Variants in FHIT observed in about 807,000 individuals in gnomAD.
FHIT encodes fragile histidine triad diadenosine triphosphatase.
Under a neutral mutation model 17.9 loss-of-function variants are expected in FHIT, and 19 were observed. The ratio of observed to expected loss-of-function variants is 1.06; its 90% CI spans 0.74 to 1.56. The LOEUF is 1.56. FHIT is among the 40% of genes most tolerant of loss of function. The pLI is 0.00. For missense variants in FHIT, 248 were observed against 189.2 expected (o/e 1.31, Z -1.82); for synonymous variants, 81 against 69.7 (o/e 1.16, Z -0.81).
intron 4 of FHIT, among the ~76,000 whole-genome samples, chr3:60,632,568 C>G (rs2039473888): frequency 6.6e-6 from 1 of 152,144 alleles, no homozygotes; most frequent in Non-Finnish European, 1.5e-5. Flanking sequence ...TCCTGATTTC[C>G]AGGTCTGGCT....
chr3:60,955,723 C>T (rs1053614821), intron 3 of FHIT, among the ~76,000 whole-genome samples: 1 of 151,070 alleles, frequency 6.6e-6, no homozygotes, highest in African/African-American at 2.4e-5. Context: ...TCATCCAGTA[C>T]ATCCATTCAT....
chr3:60,815,373 C>T lies in FHIT; in HGVS notation c.-18+6546G>A, dbSNP rs115746651. ...CTCTAGGATTCTCATACTTTGAGTT[C>T]TTACATTTAAATCTTTACTCCATAT... On this transcript the variant is annotated intron_variant, in intron 4 of 9. Coordinates refer to ENST00000492590, the MANE Select transcript of FHIT (RefSeq NM_002012.4). Among the ~76,000 whole-genome samples the T allele has an allele frequency of 8.0e-3, 1,221 of 152,168 alleles. 24 individuals are homozygous for T. The highest frequency in any genetic ancestry group is 0.028 in the African/African-American group (1,151 of 41,542).
intron 4 of FHIT, among the ~76,000 whole-genome samples, chr3:60,676,994 C>A (rs2040635444): frequency 6.6e-6 from 1 of 152,114 alleles, no homozygotes. Flanking sequence ...CTCACCTGAG[C>A]CTCCATAGTA....
intron 3 of FHIT, among the ~76,000 whole-genome samples, chr3:60,910,908 G>A (rs1218094596): frequency 3.3e-5 from 5 of 152,172 alleles, no homozygotes; most frequent in Admixed American, 6.5e-5. Flanking sequence ...AATTATGTGA[G>A]CCAATATTCA....
At chr3:60,681,575 A>T (rs958721966) in intron 4 of FHIT, among the ~76,000 whole-genome samples, 6 of 152,224 alleles carry the variant, frequency 3.9e-5, no homozygotes, top group African/African-American at 1.4e-4. Flanking sequence ...TGCACCAAAT[A>T]GCCAAGTTGT....
chr3:60,817,504 T>C (rs2594152), intron 4 of FHIT, among the ~76,000 whole-genome samples: 119,495 of 151,752 alleles, frequency 0.79, 48,331 homozygotes, highest in East Asian at 0.94. Context: ...CATAGAATTC[T>C]GGATTAACAG....
At chr3:60,627,590 C>G (rs1477896864) in intron 4 of FHIT, among the ~76,000 whole-genome samples, 1 of 152,152 alleles carries the variant, frequency 6.6e-6, no homozygotes, top group East Asian at 1.9e-4. Context: ...GTGGCGGGAT[C>G]TAGGCTCACT....
chr3:60,095,025 G>A (rs1397825838), intron 5 of FHIT, among the ~76,000 whole-genome samples: 2 of 152,110 alleles, frequency 1.3e-5, no homozygotes, highest in Non-Finnish European at 2.9e-5. Context: ...ATAATTAAGG[G>A]GTGGTAGCTT....
chr3:60,764,992 G>C (rs1298213145), intron 4 of FHIT, among the ~76,000 whole-genome samples: 1 of 152,088 alleles, frequency 6.6e-6, no homozygotes, highest in South Asian at 2.1e-4. Context: ...CAGTGGCACT[G>C]GTCTCAGTGA....
chr3:60,578,958 C>T (rs2037664730), intron 4 of FHIT, among the ~76,000 whole-genome samples: 1 of 152,036 alleles, frequency 6.6e-6, no homozygotes. Context: ...TAAACACTCA[C>T]AAGAAAAAGG....
chr3:60,611,119 C>T (rs1553673388), intron 4 of FHIT, among the ~76,000 whole-genome samples: 1 of 152,166 alleles, frequency 6.6e-6, no homozygotes, highest in African/African-American at 2.4e-5. Context: ...AATTGTGGCT[C>T]ATCTCATAGT....
chr3:60,537,474 A>G lies in FHIT; in HGVS notation c.-17-495T>C, dbSNP rs572150483. The G allele has an allele frequency of 3.8e-4, 373 of 983,334 alleles. 2 individuals are homozygous for G. The African/African-American group carries it at 6.2e-3, about 16-fold the overall frequency. The allele number at this position is 983,334 out of a possible 1,614,324, so 60.9% of individuals were successfully genotyped here. On this transcript the variant is annotated intron_variant, in intron 4 of 9. Coordinates refer to ENST00000492590, the MANE Select transcript of FHIT (RefSeq NM_002012.4). Reference sequence around the variant, plus strand: ...ACTGTCTGACCTTGCCTACAATTACAAAAACATGAGCACTTCCAGAGAACT... The same window carrying G: ...ACTGTCTGACCTTGCCTACAATTACGAAAACATGAGCACTTCCAGAGAACT...
intron 5 of FHIT, among the ~76,000 whole-genome samples, chr3:60,310,202 T>C (rs1410991725): frequency 3.3e-5 from 5 of 152,182 alleles, no homozygotes; most frequent in African/African-American, 1.2e-4. Flanking sequence ...ACAGAGCCCA[T>C]GACCTGTTAT....
chr3:59,948,481 C>A (rs1483548254), intron 7 of FHIT, among the ~76,000 whole-genome samples: 1 of 151,432 alleles, frequency 6.6e-6, no homozygotes, highest in Non-Finnish European at 1.5e-5. Context: ...CATGCCACTG[C>A]ACTCCAGCCT....
At position 60,806,740 on chromosome 3, in the gene FHIT, A is replaced by G. The variant is rs139420039; in HGVS notation, c.-18+15179T>C. Among the ~76,000 whole-genome samples the G allele has an allele frequency of 2.2e-3, 342 of 152,334 alleles. 3 individuals carry two copies. The highest frequency in any genetic ancestry group is 8.0e-3 in the African/African-American group (332 of 41,584). On this transcript the variant is annotated intron_variant, in intron 4 of 9. Coordinates refer to ENST00000492590, the MANE Select transcript of FHIT (RefSeq NM_002012.4). ...TCAAACCCATTGTTTTATCCCAACC[A>G]GTGCTTAACATGATATGGCACACGT... is the stretch of plus-strand genomic sequence containing the variant.
At chr3:60,960,768 A>T (rs1553780535) in intron 3 of FHIT, among the ~76,000 whole-genome samples, 2 of 152,086 alleles carry the variant, frequency 1.3e-5, no homozygotes, top group Non-Finnish European at 2.9e-5. Context: ...GAACTCATCC[A>T]TTTTTATGGC....
intron 4 of FHIT, among the ~76,000 whole-genome samples, chr3:60,761,338 A>G (rs1372001014): frequency 4.6e-5 from 7 of 152,248 alleles, no homozygotes; most frequent in African/African-American, 1.7e-4. Context: ...GTATGAGCAC[A>G]TGCATGTCTC....
intron 3 of FHIT, among the ~76,000 whole-genome samples, chr3:60,950,818 C>T (rs541816299): frequency 1.3e-4 from 19 of 151,212 alleles, no homozygotes; most frequent in East Asian, 5.9e-4. Flanking sequence ...CCACCATGCC[C>T]GGCCTAGGTA....
At chr3:60,285,668 G>A (rs192095301) in intron 5 of FHIT, among the ~76,000 whole-genome samples, 1 of 152,120 alleles carries the variant, frequency 6.6e-6, no homozygotes, top group Admixed American at 6.5e-5. Flanking sequence ...TAACCAGTTT[G>A]AACACTTTAA....
Sources: allele counts gnomAD v4.1 joint callset (sites outside exome capture counted in the v4.1 genomes callset), GRCh38; gene constraint gnomAD v4.1.1; transcripts MANE v1.5; gene names NCBI Gene and HGNC (gene_info 2026-07-23, HGNC 2026-07-21).